Variants in CHMP3 observed in about 807,000 individuals in gnomAD.
CHMP3 encodes charged multivesicular body protein 3, also known as 25.1 protein.
A neutral mutation model predicts 27.4 loss-of-function variants in CHMP3; 8 were observed. That is an observed-to-expected ratio of 0.29 (90% CI 0.17 to 0.53). The LOEUF (loss-of-function observed/expected upper bound fraction) is 0.53, where lower values mean the gene tolerates loss of function less well. Ranked by LOEUF, CHMP3 falls within the 20% of genes least tolerant of loss-of-function variation. The pLI is 0.96. For synonymous variants in CHMP3, 86 were observed against 85.5 expected (o/e 1.01, Z -0.03); for missense variants, 208 against 271.5 (o/e 0.77, Z 1.64).
At chr2:86,523,710 C>T (rs1675602150) in intron 3 of CHMP3, among the ~76,000 whole-genome samples, 1 of 152,136 alleles carries the variant, frequency 6.6e-6, no homozygotes, top group African/African-American at 2.4e-5. Context: ...TCCCTCCCAC[C>T]TCTTTCTTTA....
At chr2:86,521,553 C>T (rs1172805725) in intron 3 of CHMP3, among the ~76,000 whole-genome samples, 1 of 152,094 alleles carries the variant, frequency 6.6e-6, no homozygotes, top group African/African-American at 2.4e-5. Flanking sequence ...TTCTCATCTT[C>T]CCAAACTGAA....
intron 1 of CHMP3, among the ~76,000 whole-genome samples, chr2:86,557,831 T>C (rs1025094155): frequency 2.0e-5 from 3 of 152,180 alleles, no homozygotes; most frequent in Admixed American, 6.5e-5. Flanking sequence ...ACTTAAATTA[T>C]TGCTCCTATC....
At chr2:86,552,626 A>G (rs1676953468) in intron 1 of CHMP3, among the ~76,000 whole-genome samples, 1 of 152,220 alleles carries the variant, frequency 6.6e-6, no homozygotes, top group Non-Finnish European at 1.5e-5. Context: ...CTGGTGTGTC[A>G]CTACCTCAAC....
chr2:86,521,573 C>G (rs1675525285), intron 3 of CHMP3, among the ~76,000 whole-genome samples: 1 of 152,114 alleles, frequency 6.6e-6, no homozygotes, highest in Non-Finnish European at 1.5e-5. Flanking sequence ...ACCTCTGCAC[C>G]ATCACTCAAT....
At chr2:86,537,223 T>G (rs555939175) in intron 2 of CHMP3, among the ~76,000 whole-genome samples, 1 of 152,332 alleles carries the variant, frequency 6.6e-6, no homozygotes, top group African/African-American at 2.4e-5. Flanking sequence ...TTTTGAAGTC[T>G]GCTGATGCTT....
intron 2 of CHMP3, among the ~76,000 whole-genome samples, chr2:86,539,651 G>C (rs1676283885): frequency 6.6e-6 from 1 of 151,972 alleles, no homozygotes; most frequent in Non-Finnish European, 1.5e-5. Context: ...ATTTATTTTT[G>C]ACACTGATCA....
intron 1 of CHMP3, among the ~76,000 whole-genome samples, chr2:86,556,735 T>C (rs910715958): frequency 1.3e-5 from 2 of 152,218 alleles, no homozygotes; most frequent in Admixed American, 1.3e-4. Context: ...ACATCTGTAC[T>C]GAATAAATAC....
chr2:86,546,585 TCAC>T (rs990662582), intron 1 of CHMP3, among the ~76,000 whole-genome samples: 5 of 151,660 alleles, frequency 3.3e-5, no homozygotes, highest in Admixed American at 6.6e-5. Flanking sequence ...TTACAGGCGC[TCAC>T]CACCACACCT....
chr2:86,515,178 G>C (rs1675248752), intron 3 of CHMP3: 1 of 138,116 alleles, frequency 7.2e-6, no homozygotes, highest in Non-Finnish European at 1.6e-5. Flanking sequence ...CCCATATGTA[G>C]AGGCTTGGGG....
At chr2:86,515,728 AATT>A (rs1216031278) in intron 3 of CHMP3, among the ~76,000 whole-genome samples, 2 of 152,216 alleles carry the variant, frequency 1.3e-5, no homozygotes, top group African/African-American at 4.8e-5. Flanking sequence ...ACAATAAATG[AATT>A]TAACACTGAG....
At chr2:86,506,684 T>TGG (rs1365121239) in intron 5 of CHMP3, among the ~76,000 whole-genome samples, 1 of 149,134 alleles carries the variant, frequency 6.7e-6, no homozygotes, top group African/African-American at 2.5e-5. Context: ...CATGGCCAAC[T>TGG]GCAGCCTGGA....
At chr2:86,526,682 C>CTA (rs1224653678) in intron 3 of CHMP3, among the ~76,000 whole-genome samples, 1,549 of 149,564 alleles carry the variant, frequency 0.01, 17 homozygotes, top group African/African-American at 0.035. Context: ...CTCTCTCTCT[C>CTA]TATATATATA....
At chr2:86,525,550 C>A (rs73946219) in intron 3 of CHMP3, among the ~76,000 whole-genome samples, 2,027 of 147,500 alleles carry the variant, frequency 0.014, 56 homozygotes, top group African/African-American at 0.048. Flanking sequence ...AAAAAAAAAA[C>A]TACTTAAAAT....
chr2:86,510,887 G>A (rs1302717853), intron 3 of CHMP3: 9 of 187,374 alleles, frequency 4.8e-5, no homozygotes, highest in Non-Finnish European at 8.9e-5. Context: ...CCAGCCTATG[G>A]ACAGTATCTG....
At chr2:86,556,649 G>A (rs1035399438) in intron 1 of CHMP3, among the ~76,000 whole-genome samples, 2 of 152,034 alleles carry the variant, frequency 1.3e-5, no homozygotes, top group African/African-American at 2.4e-5. Flanking sequence ...CCGCCAGCAG[G>A]ACTGCTCTCT....
At chr2:86,525,105 C>A (rs1266426183) in intron 3 of CHMP3, among the ~76,000 whole-genome samples, 1 of 152,128 alleles carries the variant, frequency 6.6e-6, no homozygotes, top group African/African-American at 2.4e-5. Context: ...CTAAATAAAT[C>A]ATAATTTACT....
chr2:86,513,727 G>T (rs186691945), intron 3 of CHMP3, among the ~76,000 whole-genome samples: 29 of 152,240 alleles, frequency 1.9e-4, no homozygotes, highest in Non-Finnish European at 5.9e-5. Context: ...GTAATAGAAG[G>T]GTCGTCTGCA....
At chr2:86,530,994 T>C (rs1675897934) in intron 2 of CHMP3, among the ~76,000 whole-genome samples, 1 of 152,242 alleles carries the variant, frequency 6.6e-6, no homozygotes. Context: ...CAAAAGTCTA[T>C]TGAAGTCTTT....
intron 1 of CHMP3, among the ~76,000 whole-genome samples, chr2:86,550,437 G>A (rs1368537938): frequency 6.6e-6 from 1 of 151,468 alleles, no homozygotes; most frequent in Non-Finnish European, 1.5e-5. Context: ...AAAGGGAGAG[G>A]GAGAAAGGGA....
Sources: allele counts gnomAD v4.1 joint callset (sites outside exome capture counted in the v4.1 genomes callset), GRCh38; gene constraint gnomAD v4.1.1; transcripts MANE v1.5; gene names NCBI Gene and HGNC (gene_info 2026-07-23, HGNC 2026-07-21).